EMG1: variants seen among roughly 807,000 people sequenced by gnomAD.
The protein encoded by EMG1 is ribosomal RNA small subunit methyltransferase NEP1.
In EMG1, 24 loss-of-function variants were observed where a neutral mutation model predicts 26.9. The ratio of observed to expected loss-of-function variants is 0.89; its 90% CI spans 0.65 to 1.26. The LOEUF (loss-of-function observed/expected upper bound fraction) is 1.26, where lower values mean the gene tolerates loss of function less well. EMG1 is among the 50% of genes most tolerant of loss of function. The pLI, the probability that EMG1 is intolerant of heterozygous loss-of-function variation, is 0.00. For synonymous variants in EMG1, 140 were observed against 112.6 expected (o/e 1.24, Z -1.54); for missense variants, 299 against 307.6 (o/e 0.97, Z 0.21).
At chr12:6,991,124 T>G (rs1257884645), downstream of EMG1, among the ~76,000 whole-genome samples, 3 of 152,186 alleles carry the variant, frequency 2.0e-5, no homozygotes, top group African/African-American at 7.2e-5. Flanking sequence ...TTCATAAATT[T>G]ATGGCCTCTG....
At chr12:6,994,843 A>C (rs1555155875) in intron 7 of EMG1, among the ~76,000 whole-genome samples, 1 of 152,140 alleles carries the variant, frequency 6.6e-6, no homozygotes, top group Non-Finnish European at 1.5e-5. Flanking sequence ...TCTTTCACCG[A>C]AGGCATTTTT....
chr12:6,996,113 C>T (rs746082414), intron 7 of EMG1, among the ~76,000 whole-genome samples: 5 of 152,254 alleles, frequency 3.3e-5, no homozygotes, highest in Non-Finnish European at 5.9e-5. Context: ...TCCCTCTGCC[C>T]GGGCCCCACT....
At chr12:6,996,631 A>T (rs2138348843) in intron 7 of EMG1, among the ~76,000 whole-genome samples, 1 of 152,322 alleles carries the variant, frequency 6.6e-6, no homozygotes, top group South Asian at 2.1e-4. Flanking sequence ...TCAATACAAT[A>T]TTTATTAAGC....
chr12:6,974,763 G>T, intron 3 of EMG1, 70 bp downstream of exon 3: 1 of 1,525,326 alleles, frequency 6.6e-7, no homozygotes, highest in Admixed American at 1.7e-5. Flanking sequence ...GGAAAAGGGA[G>T]AACTAAATGT....
chr12:6,984,914 G>GT (rs1431791770), downstream of EMG1, among the ~76,000 whole-genome samples: 7 of 152,088 alleles, frequency 4.6e-5, no homozygotes, highest in African/African-American at 1.7e-4. Flanking sequence ...TTTAAATTAT[G>GT]TAACTGCAGT....
At chr12:6,990,070 G>A (rs1277108530), downstream of EMG1, among the ~76,000 whole-genome samples, 2 of 151,942 alleles carry the variant, frequency 1.3e-5, no homozygotes, top group African/African-American at 2.4e-5. Context: ...CCAGCTACTT[G>A]AGAGGCTGAG....
intron 5 of EMG1, 29 bp from the exon 6 acceptor site, chr12:6,975,667 G>A (rs782400029): frequency 6.9e-7 from 1 of 1,439,846 alleles, no homozygotes. Context: ...GAGTGACAGA[G>A]TTGGCTGACA....
Position 6,979,570 on chromosome 12 carries a change from A to G in EMG1, c.*3761A>G, listed in dbSNP as rs1946448230. On this transcript the variant is annotated 3_prime_UTR_variant, in exon 6 of 6. Coordinates refer to ENST00000599672, the MANE Select transcript of EMG1 (RefSeq NM_006331.8). Reference sequence around the variant, plus strand: ...GGCCCAGACTCAGGCGCTTGAGAGCAGGAATGATGCTGGAAAGGAACGAGT... The same window carrying G: ...GGCCCAGACTCAGGCGCTTGAGAGCGGGAATGATGCTGGAAAGGAACGAGT... 6.2e-6 allele frequency: 10 copies of G among 1,612,374 alleles called. No homozygotes were observed. The highest frequency in any genetic ancestry group is 8.5e-6 in the Non-Finnish European group (10 of 1,178,366).
chr12:6,977,946 G>A lies in EMG1; in HGVS notation c.*2137G>A. 1.6e-6 allele frequency: 1 copy of A among 612,768 alleles called. No individual in the cohort carries two copies. Among genetic ancestry groups the A allele is most frequent in the African/African-American group, 1.8e-5 (1 of 54,132 alleles). 38.0% of individuals were successfully genotyped at this position (612,768 alleles called of 1,614,324 possible). A position where few individuals can be genotyped will look rare whatever the true frequency, so the allele number is the denominator to read the frequency against. On this transcript the variant is annotated 3_prime_UTR_variant, in exon 6 of 6. Transcript: ENST00000599672. The surrounding 1 kb of genome is among the most constrained non-coding windows in gnomAD (Gnocchi z 4.5). ...CCCAAGGCGGAGCTGGAGACCGTGT[G>A]CGCACGAGCCACTTGGTTCAGCAGC...
chr12:6,983,470 T>A, downstream of EMG1: 1 of 1,612,774 alleles, frequency 6.2e-7, no homozygotes, highest in Non-Finnish European at 8.5e-7. Flanking sequence ...TGTAAAGGTA[T>A]GGAAGAGGTG....
At chr12:6,981,872 G>C (rs1465035961), downstream of EMG1, 2 of 1,613,448 alleles carry the variant, frequency 1.2e-6, no homozygotes, top group Admixed American at 3.3e-5. Flanking sequence ...AGTTGCCGGT[G>C]GCAGTGTAAT....
chr12:6,971,129 T>C, intron 1 of EMG1, 38 bp downstream of exon 1: 1 of 1,562,892 alleles, frequency 6.4e-7, no homozygotes, highest in East Asian at 2.3e-5. Context: ...AGTAAATCGA[T>C]AGGTTGGGAC....
downstream of EMG1, chr12:6,983,160 C>G: frequency 2.1e-6 from 1 of 465,414 alleles, no homozygotes; most frequent in Admixed American, 3.4e-5. Flanking sequence ...CTCGGTCATT[C>G]AGTTACATCC....
At position 6,977,692 on chromosome 12, in the gene EMG1, A is replaced by G; in HGVS notation, c.*1883A>G. 1 of 1,614,214 alleles carries G rather than the reference A, an allele frequency of 6.2e-7. No homozygotes were observed. The highest frequency in any genetic ancestry group is 8.5e-7 in the Non-Finnish European group (1 of 1,180,040). On this transcript the variant is annotated 3_prime_UTR_variant, in exon 6 of 6. Transcript: ENST00000599672. The surrounding 1 kb of genome is among the most constrained non-coding windows in gnomAD (Gnocchi z 4.5). ...CCAGAGGGCCAGGAATAGCAACGAGAGACCCTGAGAGAGTTCTTTATTTCC... is the reference window on the plus strand; with the variant it reads ...CCAGAGGGCCAGGAATAGCAACGAGGGACCCTGAGAGAGTTCTTTATTTCC...
rs1555153561 is a variant in EMG1 at position 6,978,164 on chromosome 12, CAG to C, written c.*2356_*2357del. The C allele has an allele frequency of 1.4e-6, 1 of 704,442 alleles. No individual in the cohort carries two copies. The highest frequency in any genetic ancestry group is 2.0e-5 in the African/African-American group (1 of 48,818). 43.6% of individuals were successfully genotyped at this position (704,442 alleles called of 1,614,324 possible). On this transcript the variant is annotated 3_prime_UTR_variant, in exon 6 of 6. Transcript: ENST00000599672. ...TATCTTGCCTTTTTTTCAAATATGA[CAG>C]TAATGGTTTTTTTGGGAGGGGGGTA...
At chr12:6,982,133 G>A (rs1171037191), downstream of EMG1, among the ~76,000 whole-genome samples, 1 of 152,150 alleles carries the variant, frequency 6.6e-6, no homozygotes, top group Non-Finnish European at 1.5e-5. Context: ...GGGACCACAG[G>A]TGCATGCCAC....
chr12:6,983,440 A>AAAT, downstream of EMG1: 1 of 1,601,678 alleles, frequency 6.2e-7, no homozygotes. Flanking sequence ...ACCAAAGTTA[A>AAAT]AATAAGCAAT....
chr12:6,982,980 C>CT, downstream of EMG1: 4 of 655,004 alleles, frequency 6.1e-6, no homozygotes, highest in Admixed American at 2.2e-5. Context: ...TATTTCTTTT[C>CT]TTTTTTTGTT....
chr12:6,983,327 T>G, downstream of EMG1: 1 of 734,640 alleles, frequency 1.4e-6, no homozygotes, highest in Non-Finnish European at 2.4e-6. Context: ...AGTGGGAGCA[T>G]TATAACTTCC....
Sources: gnomAD v4.1 joint callset for allele counts (sites outside exome capture counted in the v4.1 genomes callset) on GRCh38, gnomAD v4.1.1 for gene constraint, Gnocchi (gnomAD v3.1) non-coding constraint, MANE v1.5 for transcripts, NCBI Gene and HGNC (gene_info 2026-07-23, HGNC 2026-07-21) for gene names.